The following GMDS variants were observed in gnomAD, a reference collection of about 807,000 sequenced individuals.
GMDS encodes GDP-mannose 4,6 dehydratase.
In GMDS, 20 loss-of-function variants were observed where a neutral mutation model predicts 49.9. The observed-to-expected ratio is 0.40, with a 90% CI of 0.28 to 0.58. The LOEUF (loss-of-function observed/expected upper bound fraction) is 0.58, where lower values mean the gene tolerates loss of function less well. GMDS is among the 20% of genes least tolerant of loss of function. The pLI is 0.42. For synonymous variants in GMDS, 177 were observed against 178.6 expected, an observed-to-expected ratio of 0.99 and a Z score of 0.07; for missense variants, 362 against 481.4, an observed-to-expected ratio of 0.75 and a Z score of 2.32.
intron 4 of GMDS, among the ~76,000 whole-genome samples, chr6:1,999,958 A>ATAATATATATATT (rs1561961562): frequency 4.9e-5 from 1 of 20,618 alleles, no homozygotes; most frequent in African/African-American, 1.3e-4. Flanking sequence ...TAATATGTAT[A>ATAATATATATATT]TTATATATAT....
At chr6:1,832,745 C>T (rs561275653) in intron 7 of GMDS, among the ~76,000 whole-genome samples, 5 of 152,140 alleles carry the variant, frequency 3.3e-5, no homozygotes, top group East Asian at 1.9e-4. Context: ...AAAGTGAGGC[C>T]GACACATTTC....
At chr6:1,666,399 A>C (rs1764241027) in intron 9 of GMDS, among the ~76,000 whole-genome samples, 1 of 152,130 alleles carries the variant, frequency 6.6e-6, no homozygotes, top group South Asian at 2.1e-4. Flanking sequence ...AATATGGTTA[A>C]GTGCTAAGTG....
intron 6 of GMDS, among the ~76,000 whole-genome samples, chr6:1,932,659 T>C (rs1409061227): frequency 6.7e-6 from 1 of 150,270 alleles, no homozygotes; most frequent in Non-Finnish European, 1.5e-5. Context: ...TGCCTCAGCC[T>C]CCCGAAAAGC....
At chr6:1,810,052 C>A (rs1770350977) in intron 7 of GMDS, among the ~76,000 whole-genome samples, 1 of 152,132 alleles carries the variant, frequency 6.6e-6, no homozygotes, top group Non-Finnish European at 1.5e-5. Flanking sequence ...CTACACTGAG[C>A]AGTTGCTATG....
rs183639228 is a variant in GMDS, at chr6:2,189,489, C to T, written c.102+55832G>A. 1.7e-4 allele frequency among the ~76,000 whole-genome samples: 26 copies of T among 152,280 alleles called. No homozygotes were observed. The East Asian group carries it at 4.8e-3, about 28-fold the overall frequency. The stretch of plus-strand genomic sequence containing the variant: ...ATCAGAATCAGCTGGGGAACCTGTC[C>T]TCCCCCAAAAGTCCCACCCTAAGAA... On this transcript the variant is annotated intron_variant, in intron 1 of 10. Transcript: ENST00000380815.
chr6:2,057,763 A>G (rs1404447597), intron 4 of GMDS, among the ~76,000 whole-genome samples: 1 of 152,236 alleles, frequency 6.6e-6, no homozygotes, highest in Non-Finnish European at 1.5e-5. Context: ...ATCGGACTAT[A>G]GCCACACTGT....
Position 1,624,526 on chromosome 6 carries a change from G to A in GMDS, c.1002C>T (p.Gly334=). ...YRPTEVDFLQ[G]DCTKAKQKLN... is the part of the protein sequence containing the mutation. ...GCTTCTGTTTCGCTTTGGTGCAGTC[G>A]CCCTGCAGAAAGTCCTAGGGAAGAA... The change falls in exon 10 of 11, where the codon GGC becomes GGT. Residue 334 remains glycine, a synonymous_variant. Coordinates refer to ENST00000380815, the MANE Select transcript of GMDS (RefSeq NM_001500.4). 1 of 1,613,264 alleles carries A rather than the reference G, an allele frequency of 6.2e-7. No individual in the cohort carries two copies. The highest frequency in any genetic ancestry group is 8.5e-7 in the Non-Finnish European group (1 of 1,179,322).
At chr6:2,028,055 C>T (rs1768712458) in intron 4 of GMDS, among the ~76,000 whole-genome samples, 1 of 152,086 alleles carries the variant, frequency 6.6e-6, no homozygotes, top group Admixed American at 6.6e-5. Flanking sequence ...AAAGGGCCCG[C>T]CTTAAAAAAA....
At chr6:2,017,054 G>A (rs1767947114) in intron 4 of GMDS, among the ~76,000 whole-genome samples, 1 of 151,938 alleles carries the variant, frequency 6.6e-6, no homozygotes, top group Admixed American at 6.6e-5. Flanking sequence ...CATAAAAGCT[G>A]AAAGTAATGA....
intron 1 of GMDS, among the ~76,000 whole-genome samples, chr6:2,206,524 C>T (rs759195742): frequency 6.6e-6 from 1 of 152,150 alleles, no homozygotes; most frequent in Non-Finnish European, 1.5e-5. Flanking sequence ...ACAAGTTGAA[C>T]AGAGTCCAAG....
intron 4 of GMDS, among the ~76,000 whole-genome samples, chr6:2,008,203 T>C (rs1318788236): frequency 6.6e-6 from 1 of 152,234 alleles, no homozygotes; most frequent in Non-Finnish European, 1.5e-5. Flanking sequence ...TCCATATTAG[T>C]TCTTCCCAAG....
intron 7 of GMDS, among the ~76,000 whole-genome samples, chr6:1,765,507 T>C (rs1200907754): frequency 6.6e-6 from 1 of 152,190 alleles, no homozygotes. Context: ...TCATTCGCAT[T>C]GTTTCAGTGA....
At chr6:1,703,644 C>T (rs537493842) in intron 9 of GMDS, among the ~76,000 whole-genome samples, 1 of 152,348 alleles carries the variant, frequency 6.6e-6, no homozygotes, top group South Asian at 2.1e-4. Flanking sequence ...TGGCATCTGC[C>T]GAGGTGTCCT....
At chr6:2,091,328 C>G (rs1421687322) in intron 4 of GMDS, among the ~76,000 whole-genome samples, 1 of 152,170 alleles carries the variant, frequency 6.6e-6, no homozygotes, top group African/African-American at 2.4e-5. Flanking sequence ...TTTTCCATTA[C>G]TAGGAACTCA....
intron 1 of GMDS, among the ~76,000 whole-genome samples, chr6:2,160,610 T>C (rs1033161655): frequency 2.0e-5 from 3 of 152,350 alleles, no homozygotes; most frequent in African/African-American, 4.8e-5. Context: ...GGTGCCATCA[T>C]GGCTCGCTAC....
chr6:1,869,198 G>A (rs1758596682), intron 7 of GMDS, among the ~76,000 whole-genome samples: 2 of 152,184 alleles, frequency 1.3e-5, no homozygotes, highest in Admixed American at 6.5e-5. Flanking sequence ...GCTTTTCTCT[G>A]GCACTAGGTA....
chr6:1,832,455 C>G (rs989460783), intron 7 of GMDS, among the ~76,000 whole-genome samples: 1 of 152,042 alleles, frequency 6.6e-6, no homozygotes, highest in African/African-American at 2.4e-5. Context: ...GCATTTGACT[C>G]TGTGACTGGA....
At chr6:1,704,088 A>C (rs1765635487) in intron 9 of GMDS, among the ~76,000 whole-genome samples, 1 of 152,172 alleles carries the variant, frequency 6.6e-6, no homozygotes, top group Non-Finnish European at 1.5e-5. Context: ...TGACAGCAAG[A>C]CAAGACCTCG....
intron 8 of GMDS, among the ~76,000 whole-genome samples, chr6:1,737,926 C>T (rs1326668146): frequency 6.7e-6 from 1 of 148,978 alleles, no homozygotes; most frequent in East Asian, 2.0e-4. Flanking sequence ...CACACAGATA[C>T]ATACACACCA....
Sources: allele counts gnomAD v4.1 joint callset (sites outside exome capture counted in the v4.1 genomes callset), GRCh38; gene constraint gnomAD v4.1.1; transcripts MANE v1.5; gene names NCBI Gene and HGNC (gene_info 2026-07-23, HGNC 2026-07-21).